The following SPATA21 variants were observed in gnomAD, a reference collection of about 807,000 sequenced individuals.
SPATA21 encodes the protein spermatogenesis-associated protein 21.
In SPATA21, 47 loss-of-function variants were observed where a neutral mutation model predicts 54.8. That is an observed-to-expected ratio of 0.86 (90% CI 0.68 to 1.09). The LOEUF (loss-of-function observed/expected upper bound fraction) is 1.09. Among genes scored for constraint, SPATA21 ranks in the 50% least tolerant of loss-of-function variants. SPATA21 has a pLI of 0.00. For synonymous variants in SPATA21, 245 were observed against 235.3 expected (o/e 1.04, Z -0.38); for missense variants, 599 against 596.4 (o/e 1.00, Z -0.05).
At chr1:16,403,470 T>C (rs2085516306) in intron 10 of SPATA21, among the ~76,000 whole-genome samples, 1 of 150,638 alleles carries the variant, frequency 6.6e-6, no homozygotes, top group Admixed American at 6.7e-5. Context: ...GCTAGTTTTA[T>C]TCTAGTTTTT....
chr1:16,408,890 G>C (rs904843048), intron 7 of SPATA21, among the ~76,000 whole-genome samples: 7 of 109,702 alleles, frequency 6.4e-5, no homozygotes, highest in Non-Finnish European at 1.1e-4. Context: ...AAAAAAAAAA[G>C]ACCCAGCATG....
chr1:16,423,518 T>TTCTTTC, intron 3 of SPATA21, among the ~76,000 whole-genome samples: 1 of 151,196 alleles, frequency 6.6e-6, no homozygotes, highest in East Asian at 1.9e-4. Context: ...ATACATGAAT[T>TTCTTTC]TCTTTCTCTT....
Position 16,435,351 on chromosome 1 carries a change from C to T in SPATA21, c.-187+1777G>A, listed in dbSNP as rs533822976. Among the ~76,000 whole-genome samples the T allele has an allele frequency of 6.0e-5, 9 of 150,972 alleles. No homozygotes were observed. In the South Asian group the frequency reaches 1.9e-3, roughly 32 times the overall value. ...TTTTTTTTTGAGATGGAGTCTCGCT[C>T]TGTCACCCAGGGTGGAGTGCAGTGG... On this transcript the variant is annotated intron_variant, in intron 1 of 12. Coordinates refer to ENST00000335496, the MANE Select transcript of SPATA21 (RefSeq NM_198546.1).
At chr1:16,407,048 A>G (rs2085665126) in intron 7 of SPATA21, among the ~76,000 whole-genome samples, 1 of 152,202 alleles carries the variant, frequency 6.6e-6, no homozygotes, top group African/African-American at 2.4e-5. Flanking sequence ...TATCTGTACG[A>G]TGGCCATGAC....
intron 7 of SPATA21, among the ~76,000 whole-genome samples, chr1:16,405,503 A>AC (rs1279117836): frequency 5.4e-4 from 77 of 143,890 alleles, no homozygotes; most frequent in African/African-American, 2.2e-3. Context: ...GAAAAAAAAA[A>AC]AAAAAAAAAA....
In SPATA21 at chr1:16,428,062, A is replaced by G. The variant is rs778948060; in HGVS notation, c.34+3276T>C. ...AGTGGCTTGAGGGCTGGCATTGAGT[A>G]CCCGTTCTGGAGTGATCCCTCCCAC... On this transcript the variant is annotated intron_variant, in intron 3 of 12. Transcript: ENST00000335496. The surrounding 1 kb of genome is among the most constrained non-coding windows in gnomAD (Gnocchi z 4.3). 21 of 1,528,334 alleles carry G rather than the reference A, an allele frequency of 1.4e-5. No individual in the cohort carries two copies. The African/African-American group carries it at 2.5e-4, about 18-fold the overall frequency. 94.7% of individuals were successfully genotyped at this position (1,528,334 alleles called of 1,614,324 possible).
intron 5 of SPATA21, among the ~76,000 whole-genome samples, chr1:16,414,785 G>A (rs935565971): frequency 6.0e-5 from 9 of 151,074 alleles, no homozygotes; most frequent in African/African-American, 1.2e-4. Flanking sequence ...CCAGCTACTC[G>A]GGAAGGCTGA....
intron 11 of SPATA21, chr1:16,400,513 T>A: frequency 7.6e-7 from 1 of 1,319,558 alleles, no homozygotes; most frequent in Non-Finnish European, 9.7e-7. Context: ...AGGGGAGGAG[T>A]CCAACGCAGG....
At position 16,424,852 on chromosome 1, in the gene SPATA21, C is replaced by A. The variant is rs528715490; in HGVS notation, c.35-2881G>T. 1.5e-5 allele frequency: 3 copies of A among 195,654 alleles called. No individual in the cohort carries two copies. The East Asian group carries it at 5.0e-4, about 33-fold the overall frequency. 12.1% of individuals were successfully genotyped at this position (195,654 alleles called of 1,614,324 possible). ...ATTATCTGTATACAGAACCTGGCACCTCCTCCCTCCCCCCTGCACCCATTG... is the reference window on the plus strand; with the variant it reads ...ATTATCTGTATACAGAACCTGGCACATCCTCCCTCCCCCCTGCACCCATTG... On this transcript the variant is annotated intron_variant, in intron 3 of 12. Coordinates refer to ENST00000335496, the MANE Select transcript of SPATA21 (RefSeq NM_198546.1).
intron 3 of SPATA21, among the ~76,000 whole-genome samples, chr1:16,426,952 A>G (rs1404156937): frequency 6.6e-6 from 1 of 152,078 alleles, no homozygotes; most frequent in Non-Finnish European, 1.5e-5. Context: ...AACATGCTTT[A>G]TATGTTTTCT....
chr1:16,407,236 A>C (rs373542694), intron 7 of SPATA21, among the ~76,000 whole-genome samples: 57 of 152,270 alleles, frequency 3.7e-4, no homozygotes, highest in African/African-American at 1.3e-3. Context: ...GAAAAACCAG[A>C]GCAACTCTCA....
Position 16,409,842 on chromosome 1 carries a change from T to C in SPATA21, c.346A>G (p.Thr116Ala). The C allele has an allele frequency of 6.2e-7, 1 of 1,603,082 alleles. No homozygotes were observed. The highest frequency in any genetic ancestry group is 8.5e-7 in the Non-Finnish European group (1 of 1,175,378). The part of the protein sequence containing the change: ...RSQTAQKSPR[T>A]LTPVPTSAPS... ...GCTGAGGTGGGCACCGGGGTCAGGG[T>C]CCTGGGCGACTTCTGGGCTGTCTGG... The change falls in exon 6 of 13, where the codon ACC becomes GCC. Residue 116 changes from threonine to alanine, a missense_variant. By Grantham distance (58) the Thr-to-Ala change is moderately conservative. Coordinates refer to ENST00000335496, the MANE Select transcript of SPATA21 (RefSeq NM_198546.1). The surrounding 1 kb of genome is among the most constrained non-coding windows in gnomAD (Gnocchi z 4.1).
intron 3 of SPATA21, among the ~76,000 whole-genome samples, chr1:16,426,579 A>ATATATATATATTTT (rs1401259793): frequency 9.3e-6 from 1 of 107,152 alleles, no homozygotes; most frequent in African/African-American, 3.8e-5. Flanking sequence ...ATATATATAT[A>ATATATATATATTTT]TTTTTTTTTT....
rs925713574 is a variant in SPATA21, at chr1:16,417,687, G to A, written c.144+3822C>T. Among the ~76,000 whole-genome samples, 26 of 150,598 alleles carry A rather than the reference G, an allele frequency of 1.7e-4. 2 individuals carry two copies. In the South Asian group the frequency reaches 3.8e-3, roughly 22 times the overall value. ...TGACCTCAGGTGATCCGCCCACCTC[G>A]GCCTCCCAAAGTGCTGGGATTACAG... On this transcript the variant is annotated intron_variant, in intron 5 of 12. Transcript: ENST00000335496.
intron 1 of SPATA21, among the ~76,000 whole-genome samples, chr1:16,433,436 C>A (rs1227474438): frequency 2.0e-5 from 3 of 152,206 alleles, no homozygotes; most frequent in African/African-American, 4.8e-5. Flanking sequence ...GAGTTCCTTG[C>A]CCCTCCCCAG....
chr1:16,407,712 C>A (rs998317476), intron 7 of SPATA21, among the ~76,000 whole-genome samples: 4 of 151,928 alleles, frequency 2.6e-5, no homozygotes, highest in African/African-American at 9.7e-5. Context: ...CCCGCCTAAG[C>A]CTCCCAAAGT....
At chr1:16,436,487 A>G (rs1380591856) in intron 1 of SPATA21, among the ~76,000 whole-genome samples, 1 of 151,108 alleles carries the variant, frequency 6.6e-6, no homozygotes, top group Non-Finnish European at 1.5e-5. Context: ...CTACTCATGC[A>G]GGGCAAGGTG....
At chr1:16,401,396 A>G (rs1442220159) in intron 10 of SPATA21, among the ~76,000 whole-genome samples, 1 of 152,142 alleles carries the variant, frequency 6.6e-6, no homozygotes, top group Non-Finnish European at 1.5e-5. Flanking sequence ...CCTGGGCTCA[A>G]CTGATCGTCC....
rs1420975736 is a variant in SPATA21 at position 16,418,955 on chromosome 1, T to C, written c.144+2554A>G. On this transcript the variant is annotated intron_variant, in intron 5 of 12. Transcript: ENST00000335496. ...TGAGTACCTACCACGTGCTGGGCAT[T>C]GTTTGAGGCACAAAGCATAGAGGAG... Among the ~76,000 whole-genome samples, 4 of 152,354 alleles carry C rather than the reference T, an allele frequency of 2.6e-5. No homozygotes were observed. The East Asian group carries it at 7.7e-4, about 29-fold the overall frequency.
Sources: allele counts gnomAD v4.1 joint callset (sites outside exome capture counted in the v4.1 genomes callset), GRCh38; gene constraint gnomAD v4.1.1; non-coding constraint Gnocchi (gnomAD v3.1); transcripts MANE v1.5; gene names NCBI Gene and HGNC (gene_info 2026-07-23, HGNC 2026-07-21).